The following PITPNC1 variants were observed in gnomAD, a reference collection of about 807,000 sequenced individuals.
PITPNC1 encodes cytoplasmic phosphatidylinositol transfer protein 1.
In PITPNC1, 18 loss-of-function variants were observed where a neutral mutation model predicts 44.7. The ratio of observed to expected loss-of-function variants is 0.40; its 90% confidence interval spans 0.28 to 0.60. PITPNC1 has a LOEUF of 0.60. Ranked by LOEUF, PITPNC1 falls within the 20% of genes least tolerant of loss-of-function variation. PITPNC1 has a pLI of 0.39. For missense variants in PITPNC1, 290 were observed against 418.4 expected, an observed-to-expected ratio of 0.69 and a Z score of 2.68; for synonymous variants, 141 against 149.6, an observed-to-expected ratio of 0.94 and a Z score of 0.42.
chr17:67,534,816 A>C (rs974724207), intron 2 of PITPNC1, among the ~76,000 whole-genome samples: 1 of 152,124 alleles, frequency 6.6e-6, no homozygotes, highest in Non-Finnish European at 1.5e-5. Flanking sequence ...AGTATTTCCA[A>C]CACCCTAGCT....
chr17:67,666,407 T>C (rs1360626427), intron 6 of PITPNC1, among the ~76,000 whole-genome samples: 1 of 152,106 alleles, frequency 6.6e-6, no homozygotes, highest in Non-Finnish European at 1.5e-5. Context: ...GGTTCCAGAC[T>C]CCTGGGGCTT....
At chr17:67,624,167 C>T (rs1051101406) in intron 5 of PITPNC1, among the ~76,000 whole-genome samples, 1 of 150,952 alleles carries the variant, frequency 6.6e-6, no homozygotes, top group Admixed American at 6.6e-5. Context: ...AATATTTGTG[C>T]GTAAGTCTTT....
At chr17:67,422,453 C>T (rs1365695137) in intron 1 of PITPNC1, among the ~76,000 whole-genome samples, 1 of 152,188 alleles carries the variant, frequency 6.6e-6, no homozygotes, top group Non-Finnish European at 1.5e-5. Flanking sequence ...TCTTGAGCTC[C>T]TGGGCTCAAG....
rs1194684314 is a variant in PITPNC1 at position 67,658,498 on chromosome 17, CA to C, written c.463-11009del. Among the ~76,000 whole-genome samples the C allele has an allele frequency of 3.3e-5, 5 of 152,296 alleles. No individual in the cohort carries two copies. The South Asian group carries it at 1.0e-3, about 32-fold the overall frequency. On this transcript the variant is annotated intron_variant, in intron 6 of 8. Transcript: ENST00000581322. ...CCCACTTTGGGATAGGTAACCACCC[CA>C]CCCCCAGTATCCTCTCTTTGCTGAG...
chr17:67,461,606 G>A (rs749207907), intron 1 of PITPNC1, among the ~76,000 whole-genome samples: 1 of 152,190 alleles, frequency 6.6e-6, no homozygotes, highest in Admixed American at 6.5e-5. Flanking sequence ...GCAACACCCA[G>A]ATATCCAAGA....
At chr17:67,471,287 T>C (rs2039526701) in intron 1 of PITPNC1, among the ~76,000 whole-genome samples, 1 of 144,912 alleles carries the variant, frequency 6.9e-6, no homozygotes, top group Non-Finnish European at 1.5e-5. Flanking sequence ...GATGTATCAA[T>C]AGTTTGTTCC....
intron 2 of PITPNC1, among the ~76,000 whole-genome samples, chr17:67,536,836 C>G (rs2040537528): frequency 6.6e-6 from 1 of 152,116 alleles, no homozygotes; most frequent in African/African-American, 2.4e-5. Flanking sequence ...GTTCAAGGAG[C>G]TATCTATGCT....
chr17:67,684,845 T>A (rs1344926028), intron 8 of PITPNC1, among the ~76,000 whole-genome samples: 3 of 152,236 alleles, frequency 2.0e-5, no homozygotes, highest in Non-Finnish European at 4.4e-5. Flanking sequence ...ATAAAATGGA[T>A]ACATCTTTGA....
At chr17:67,575,515 C>T (rs1174165452) in intron 4 of PITPNC1, among the ~76,000 whole-genome samples, 1 of 152,188 alleles carries the variant, frequency 6.6e-6, no homozygotes, top group Non-Finnish European at 1.5e-5. Flanking sequence ...TGAACGCGTC[C>T]TGGCATGTGA....
At chr17:67,379,896 C>T (rs2037931064) in intron 1 of PITPNC1, among the ~76,000 whole-genome samples, 2 of 152,164 alleles carry the variant, frequency 1.3e-5, no homozygotes, top group African/African-American at 4.8e-5. Flanking sequence ...TCTCTACTAA[C>T]TACAAAATCT....
At chr17:67,522,373 A>G (rs2144109558) in intron 1 of PITPNC1, among the ~76,000 whole-genome samples, 1 of 152,124 alleles carries the variant, frequency 6.6e-6, no homozygotes, top group Admixed American at 6.5e-5. Context: ...GCATGGCAGG[A>G]ATCAGGGAAT....
intron 1 of PITPNC1, among the ~76,000 whole-genome samples, chr17:67,425,176 AGCCATGTTGTGCGCGCGCACGCACACG>A (rs1567984533): frequency 4.3e-5 from 6 of 138,394 alleles, no homozygotes; most frequent in Non-Finnish European, 9.3e-5. Flanking sequence ...TGAAATAAAC[AGCCATGTTGTGCGCGCGCACGCACACG>A]CACACACACA....
At chr17:67,545,852 C>G (rs1197580940) in intron 2 of PITPNC1, among the ~76,000 whole-genome samples, 1 of 152,238 alleles carries the variant, frequency 6.6e-6, no homozygotes, top group Middle Eastern at 3.4e-3. Flanking sequence ...ACAGAGCAAA[C>G]ATCCCTGCCC....
chr17:67,507,279 G>C (rs2040117339), intron 1 of PITPNC1, among the ~76,000 whole-genome samples: 1 of 152,188 alleles, frequency 6.6e-6, no homozygotes, highest in Non-Finnish European at 1.5e-5. Flanking sequence ...TGAGACTAGG[G>C]TGGGTATGAG....
intron 5 of PITPNC1, among the ~76,000 whole-genome samples, chr17:67,603,508 G>A (rs1301389960): frequency 6.6e-6 from 1 of 152,172 alleles, no homozygotes; most frequent in Non-Finnish European, 1.5e-5. Flanking sequence ...CTTAGTGAGA[G>A]CCAGCGGTCT....
chr17:67,587,009 A>G (rs2041327230), intron 5 of PITPNC1, among the ~76,000 whole-genome samples: 1 of 152,076 alleles, frequency 6.6e-6, no homozygotes, highest in South Asian at 2.1e-4. Flanking sequence ...ATGAGAGGGG[A>G]ACAAAATAGG....
intron 8 of PITPNC1, among the ~76,000 whole-genome samples, chr17:67,682,689 C>T (rs2042732819): frequency 6.6e-6 from 1 of 152,132 alleles, no homozygotes; most frequent in African/African-American, 2.4e-5. Flanking sequence ...AGAAGAAATA[C>T]CGTACCAGTT....
intron 5 of PITPNC1, among the ~76,000 whole-genome samples, chr17:67,590,177 C>A (rs2041371747): frequency 6.6e-6 from 1 of 152,024 alleles, no homozygotes; most frequent in Non-Finnish European, 1.5e-5. Context: ...ATAATGAAAC[C>A]AAATCAACAG....
intron 6 of PITPNC1, among the ~76,000 whole-genome samples, chr17:67,635,066 G>A (rs2042017714): frequency 6.6e-6 from 1 of 152,146 alleles, no homozygotes; most frequent in African/African-American, 2.4e-5. Flanking sequence ...CTGGGCAACA[G>A]AGACTCGGTC....
Sources: allele counts gnomAD v4.1 joint callset (sites outside exome capture counted in the v4.1 genomes callset), GRCh38; gene constraint gnomAD v4.1.1; transcripts MANE v1.5; gene names NCBI Gene and HGNC (gene_info 2026-07-23, HGNC 2026-07-21).